Variants in MALAT1 observed in about 807,000 individuals in gnomAD.
The protein encoded by MALAT1 is metastasis associated lung adenocarcinoma transcript 1.
chr11:65,505,872 G>C (rs749390837), intron 3 of MALAT1: 1 of 449,896 alleles, frequency 2.2e-6, no homozygotes, highest in Non-Finnish European at 4.4e-6. Flanking sequence ...GTAACTTGTA[G>C]ACTGGAGAAG....
chr11:65,500,965 A>G (rs760983035), exon 3 of MALAT1: 3 of 511,356 alleles, frequency 5.9e-6, no homozygotes, highest in Non-Finnish European at 7.7e-6. Context: ...TTTTGAGGGC[A>G]GACTGCCAAG....
chr11:65,506,187 C>T (rs772636385), intron 3 of MALAT1: 2 of 435,424 alleles, frequency 4.6e-6, no homozygotes, highest in South Asian at 1.7e-5. Context: ...GCTTTGACTA[C>T]TAATCTGTCT....
chr11:65,501,286 A>G (rs755707071), exon 3 of MALAT1: 2 of 518,182 alleles, frequency 3.9e-6, no homozygotes, highest in African/African-American at 1.9e-5. Flanking sequence ...AGGTCTGTCT[A>G]GAATCCTAAA....
intron 3 of MALAT1, chr11:65,504,372 G>T: frequency 1.9e-6 from 1 of 517,850 alleles, no homozygotes; most frequent in South Asian, 1.4e-5. Context: ...TGTCTGTTCT[G>T]TTGGCAAGTA....
chr11:65,505,160 G>A (rs749592611), intron 3 of MALAT1: 15 of 518,780 alleles, frequency 2.9e-5, no homozygotes, highest in East Asian at 5.4e-5. Context: ...TGAGGTGGGC[G>A]CTAAGCCTTT....
chr11:65,502,412 TTGTG>T (rs1265762461), exon 3 of MALAT1: 1 of 505,632 alleles, frequency 2.0e-6, no homozygotes, highest in African/African-American at 2.0e-5. Flanking sequence ...CTATTTTCAG[TTGTG>T]TGTAAGCAAG....
chr11:65,503,602 A>G (rs533896189), exon 3 of MALAT1: 1 of 508,466 alleles, frequency 2.0e-6, no homozygotes, highest in South Asian at 1.5e-5. Flanking sequence ...ATCATTCAAA[A>G]TAATAAACTA....
chr11:65,504,604 C>G, intron 3 of MALAT1: 1 of 518,812 alleles, frequency 1.9e-6, no homozygotes, highest in Non-Finnish European at 3.8e-6. Flanking sequence ...AGGTAAAATG[C>G]TTTTTGTTCA....
At chr11:65,504,588 A>G (rs1565056240) in intron 3 of MALAT1, 1 of 518,888 alleles carries the variant, frequency 1.9e-6, no homozygotes, top group East Asian at 5.4e-5. Flanking sequence ...TTGCTGGTGT[A>G]TTTTTAGGTA....
At chr11:65,502,133 G>A (rs758457626) in exon 3 of MALAT1, 2 of 516,708 alleles carry the variant, frequency 3.9e-6, no homozygotes, top group Admixed American at 3.9e-5. Flanking sequence ...ATTTGATACT[G>A]TATCTGTTTT....
exon 3 of MALAT1, chr11:65,500,676 C>T (rs1314431685): frequency 3.9e-6 from 2 of 518,946 alleles, no homozygotes; most frequent in Non-Finnish European, 7.7e-6. Context: ...GCTTGGCAAC[C>T]ACACGGAGGA....
intron 2 of MALAT1, chr11:65,498,739 T>C (rs774283270): frequency 5.8e-6 from 3 of 518,780 alleles, no homozygotes; most frequent in Non-Finnish European, 1.2e-5. Flanking sequence ...TAAGAGGTAT[T>C]TTAAAAGTTC....
At chr11:65,499,938 T>C (rs1205585748) in exon 3 of MALAT1, 1 of 434,320 alleles carries the variant, frequency 2.3e-6, no homozygotes, top group African/African-American at 2.1e-5. Context: ...TGGAGAAGTA[T>C]AGAAGATAGA....
intron 3 of MALAT1, chr11:65,505,825 TA>T (rs1565057650): frequency 4.0e-6 from 2 of 497,316 alleles, no homozygotes; most frequent in Admixed American, 4.1e-5. Context: ...AGTGGAGAAA[TA>T]ACATGTTCAA....
Position 65,505,550 on chromosome 11 carries a change from C to A in MALAT1, n.5169-710C>A, listed in dbSNP as rs748949519. The A allele has an allele frequency of 5.8e-6, 3 of 515,656 alleles. No homozygotes were observed. The Admixed American group carries it at 5.8e-5, about 10-fold the overall frequency. The allele number at this position is 515,656 out of a possible 1,614,324, so 31.9% of individuals were successfully genotyped here. A position where few individuals can be genotyped will look rare whatever the true frequency, so the allele number is the denominator to read the frequency against. On this transcript the variant is annotated intron_variant and non_coding_transcript_variant, in intron 3 of 3. Transcript: ENST00000619449. ...AGCAAGGTCTCCCCACAAGCAACTT[C>A]TCTGCCACATCGCCACCCCGTGCCT...
At chr11:65,498,826 A>T (rs1487467776) in intron 2 of MALAT1, 1 of 518,862 alleles carries the variant, frequency 1.9e-6, no homozygotes, top group Non-Finnish European at 3.8e-6. Flanking sequence ...TTTGCAGCTC[A>T]AATCTTTCCA....
rs1565052112 is a variant in MALAT1 at position 65,500,918 on chromosome 11, C to CT, written n.2186dup. 5.8e-6 allele frequency: 3 copies of CT among 512,862 alleles called. No homozygotes were observed. The Admixed American group carries it at 6.0e-5, about 10-fold the overall frequency. The allele number at this position is 512,862 out of a possible 1,614,324, so 31.8% of individuals were successfully genotyped here. The stretch of plus-strand genomic sequence containing the variant: ...CGATTTCCGGGTGTTGTAGGTTTCT[C>CT]TTTTTCAGGCTTATACTCATGAATC... On this transcript the variant is annotated non_coding_transcript_exon_variant, in exon 3 of 4. Transcript: ENST00000619449.
exon 3 of MALAT1, chr11:65,501,982 A>G: frequency 2.0e-6 from 1 of 512,426 alleles, no homozygotes. Context: ...GAAAAAGTAA[A>G]GAAATATCAA....
chr11:65,497,845 G>A, exon 1 of MALAT1: 1 of 515,628 alleles, frequency 1.9e-6, no homozygotes, highest in Non-Finnish European at 3.9e-6. Context: ...CCGGCGCCGG[G>A]AAGCCTCAGC....
Sources: gnomAD v4.1 joint callset for allele counts on GRCh38, gnomAD v4.1.1 for gene constraint, MANE v1.5 for transcripts, NCBI Gene and HGNC (gene_info 2026-07-23, HGNC 2026-07-21) for gene names.